Variants in KRT72 observed in about 807,000 individuals in gnomAD.
The protein encoded by KRT72 is keratin, type II cytoskeletal 72.
KRT72 carries 44 observed loss-of-function variants against 44.7 expected under a neutral mutation model. The ratio of observed to expected loss-of-function variants is 0.98; its 90% CI spans 0.77 to 1.27. The LOEUF is 1.27. Ranked by LOEUF, KRT72 falls within the 50% of genes most tolerant of loss-of-function variation. KRT72 has a pLI of 0.00. For missense variants in KRT72, 736 were observed against 667.1 expected, an observed-to-expected ratio of 1.10 and a Z score of -1.14; for synonymous variants, 302 against 280.4, an observed-to-expected ratio of 1.08 and a Z score of -0.77.
intron 6 of KRT72, among the ~76,000 whole-genome samples, chr12:52,589,216 G>C (rs953906135): frequency 2.0e-5 from 3 of 152,108 alleles, no homozygotes; most frequent in Non-Finnish European, 2.9e-5. Flanking sequence ...TTCACACCAA[G>C]GAAAGCAGCT....
chr12:52,586,859 C>T, intron 8 of KRT72, 87 bp downstream of exon 8: 1 of 1,310,604 alleles, frequency 7.6e-7, no homozygotes, highest in Non-Finnish European at 1.1e-6. Context: ...CTCTGTCATT[C>T]TGATTTCTCT....
intron 3 of KRT72, 96 bp downstream of exon 3, chr12:52,592,796 G>T: frequency 9.6e-7 from 1 of 1,046,764 alleles, no homozygotes; most frequent in Non-Finnish European, 1.5e-6. Context: ...CCAAGGGACT[G>T]AGTGACCTAC....
chr12:52,592,799 TGACC>T, intron 3 of KRT72, 89 bp downstream of exon 3: 1 of 1,073,758 alleles, frequency 9.3e-7, no homozygotes, highest in Non-Finnish European at 1.4e-6. Context: ...AGGGACTGAG[TGACC>T]TACAGGGCCC....
Position 52,585,859 on chromosome 12 carries a change from A to C in KRT72, c.*123T>G. The stretch of plus-strand genomic sequence containing the variant: ...ACCTTGAGGACAACAGGGAGAGGAA[A>C]TGGGGTTGGGACTGTAGTGACAGAC... On this transcript the variant is annotated 3_prime_UTR_variant, in exon 9 of 9. Transcript: ENST00000293745. The C allele has an allele frequency of 1.2e-6, 1 of 860,122 alleles. No homozygotes were observed. Among genetic ancestry groups the C allele is most frequent in the Non-Finnish European group, 1.9e-6 (1 of 539,850 alleles). The allele number at this position is 860,122 out of a possible 1,614,324, so 53.3% of individuals were successfully genotyped here.
intron 6 of KRT72, among the ~76,000 whole-genome samples, chr12:52,589,115 C>G (rs1348417974): frequency 6.6e-6 from 1 of 152,120 alleles, no homozygotes; most frequent in African/African-American, 2.4e-5. Context: ...TTCCTGAGCC[C>G]TTCAGTCTGG....
chr12:52,596,519 A>T lies in KRT72; in HGVS notation c.641+2379T>A, dbSNP rs193120443. ...AAAATAAGTCTTTTGACATTTAAAA[A>T]CTTATGATCACAAAAGGTAAACTTT... On this transcript the variant is annotated intron_variant, in intron 2 of 8. Transcript: ENST00000293745. Among the ~76,000 whole-genome samples the T allele has an allele frequency of 4.0e-3, 604 of 152,034 alleles. 5 individuals are homozygous for T. Among genetic ancestry groups the T allele is most frequent in the African/African-American group, 0.014 (568 of 41,528 alleles).
At chr12:52,596,876 G>C (rs1940244662) in intron 2 of KRT72, among the ~76,000 whole-genome samples, 1 of 152,112 alleles carries the variant, frequency 6.6e-6, no homozygotes, top group Non-Finnish European at 1.5e-5. Context: ...TGCATATTTT[G>C]TGATAGGGTG....
intron 2 of KRT72, among the ~76,000 whole-genome samples, chr12:52,598,095 G>C (rs1940280354): frequency 6.6e-6 from 1 of 152,166 alleles, no homozygotes; most frequent in Non-Finnish European, 1.5e-5. Flanking sequence ...TCTTCTTGTT[G>C]GTGGCTATCT....
intron 2 of KRT72, among the ~76,000 whole-genome samples, chr12:52,593,720 A>G (rs1422430035): frequency 6.6e-6 from 1 of 152,236 alleles, no homozygotes; most frequent in Non-Finnish European, 1.5e-5. Context: ...TACGACATGG[A>G]TGAACCTTGA....
chr12:52,587,018 A>G, intron 7 of KRT72, 38 bp from the exon 8 acceptor site: 1 of 1,601,490 alleles, frequency 6.2e-7, no homozygotes, highest in South Asian at 1.1e-5. Context: ...ATCCCCCATA[A>G]ATAATCACCC....
chr12:52,594,113 TTAACA>T (rs1470281351), intron 2 of KRT72, among the ~76,000 whole-genome samples: 4 of 152,218 alleles, frequency 2.6e-5, no homozygotes, highest in African/African-American at 7.2e-5. Flanking sequence ...ATTCATGTAC[TTAACA>T]TAAACAATCC....
At chr12:52,600,673 C>T (rs548350776) in intron 1 of KRT72, among the ~76,000 whole-genome samples, 58 of 152,046 alleles carry the variant, frequency 3.8e-4, no homozygotes, top group South Asian at 3.5e-3. Context: ...TTTGGCCTCC[C>T]GTTATGATTC....
chr12:52,587,582 C>A, intron 7 of KRT72, 49 bp downstream of exon 7: 1 of 1,599,836 alleles, frequency 6.3e-7, no homozygotes, highest in South Asian at 1.1e-5. Flanking sequence ...AGCTTCCTAC[C>A]AAAGCAGAGA....
At chr12:52,592,821 C>T (rs1592227726) in intron 3 of KRT72, 71 bp downstream of exon 3, 2 of 1,385,516 alleles carry the variant, frequency 1.4e-6, no homozygotes, top group Non-Finnish European at 1.0e-6. Flanking sequence ...CCCCTTTCCT[C>T]ACCCTACAAG....
chr12:52,602,740 G>T (rs1940518586), upstream of KRT72, among the ~76,000 whole-genome samples: 1 of 152,196 alleles, frequency 6.6e-6, no homozygotes, highest in Admixed American at 6.5e-5. Context: ...TTAGGGCAAG[G>T]CTTGTTACTG....
At position 52,598,960 on chromosome 12, in the gene KRT72, G is replaced by A. The variant is rs61740873; in HGVS notation, c.579C>T (p.Asp193=). The A allele has an allele frequency of 9.5e-3, 15,275 of 1,614,054 alleles. 100 individuals are homozygous for A. Among genetic ancestry groups the A allele is most frequent in the African/African-American group, 0.021 (1,572 of 75,000 alleles). Residue 193 remains aspartate (D), a synonymous_variant, in exon 2 of 9, where the codon GAC becomes GAT. Coordinates refer to ENST00000293745, the MANE Select transcript of KRT72 (RefSeq NM_080747.3). ...TCAGCTCCGAATCCAGCCTCACCCC[G>A]TCCCCAGACAGCATCTCCAGCTGCT... ...LQKQLEMLSG[D]GVRLDSELRN...
At chr12:52,596,011 A>G (rs1940216366) in intron 2 of KRT72, among the ~76,000 whole-genome samples, 2 of 152,206 alleles carry the variant, frequency 1.3e-5, no homozygotes, top group Admixed American at 6.5e-5. Context: ...TGATTTTGAC[A>G]TGTAATCATT....
intron 2 of KRT72, 29 bp downstream of exon 2, chr12:52,598,869 C>T: frequency 6.2e-7 from 1 of 1,602,082 alleles, no homozygotes; most frequent in Non-Finnish European, 8.6e-7. Flanking sequence ...TCAGATCCTC[C>T]AGGGCCATAT....
At chr12:52,596,407 A>C (rs1027165119) in intron 2 of KRT72, among the ~76,000 whole-genome samples, 6 of 152,210 alleles carry the variant, frequency 3.9e-5, no homozygotes, top group Non-Finnish European at 4.4e-5. Context: ...CATTAGGAAA[A>C]GTATTTTCAA....
Sources: allele counts gnomAD v4.1 joint callset (sites outside exome capture counted in the v4.1 genomes callset), GRCh38; gene constraint gnomAD v4.1.1; transcripts MANE v1.5; gene names NCBI Gene and HGNC (gene_info 2026-07-23, HGNC 2026-07-21).